The following CAMTA1 variants were observed in gnomAD, a reference collection of about 807,000 sequenced individuals.
CAMTA1 encodes calmodulin-binding transcription activator 1.
Under a neutral mutation model 170.9 loss-of-function variants are expected in CAMTA1, and 27 were observed. The observed-to-expected ratio is 0.16, with a 90% confidence interval of 0.12 to 0.22. The LOEUF is 0.22. CAMTA1 is among the 10% of genes least tolerant of loss of function. The pLI is 1.00. For synonymous variants in CAMTA1, 833 were observed against 891.5 expected, an observed-to-expected ratio of 0.93 and a Z score of 1.17; for missense variants, 1,619 against 2,217.2, an observed-to-expected ratio of 0.73 and a Z score of 5.42.
chr1:7,279,346 T>C (rs1349120127), intron 5 of CAMTA1, among the ~76,000 whole-genome samples: 3 of 152,150 alleles, frequency 2.0e-5, no homozygotes, highest in African/African-American at 7.2e-5. Context: ...CCAGTTCTGT[T>C]TCTCTTCTCC....
At chr1:6,808,529 C>T (rs879633762) in intron 1 of CAMTA1, among the ~76,000 whole-genome samples, 71 of 152,190 alleles carry the variant, frequency 4.7e-4, no homozygotes, top group African/African-American at 1.5e-3. Context: ...ATAGGAGAAG[C>T]CTTCTTGACC....
At chr1:7,496,997 G>A (rs1208964480) in intron 6 of CAMTA1, among the ~76,000 whole-genome samples, 1 of 135,656 alleles carries the variant, frequency 7.4e-6, no homozygotes. Context: ...TAAAAGCCAA[G>A]CCACGGTCCA....
Position 7,435,129 on chromosome 1 carries a change from A to G in CAMTA1, c.439-32701A>G, listed in dbSNP as rs2092307136. On this transcript the variant is annotated intron_variant, in intron 5 of 22. Coordinates refer to ENST00000303635, the MANE Select transcript of CAMTA1 (RefSeq NM_015215.4). The surrounding 1 kb of genome is among the most constrained non-coding windows in gnomAD (Gnocchi z 4.4). ...CTGAAGCCTTTTTTATAAGGGCCTG[A>G]ATCCCATTTTGGCAGGAGGAGCTCT... Among the ~76,000 whole-genome samples, 1 of 152,176 alleles carries G rather than the reference A, an allele frequency of 6.6e-6. No individual in the cohort carries two copies. Among genetic ancestry groups the G allele is most frequent in the South Asian group, 2.1e-4 (1 of 4,828 alleles).
In CAMTA1 at chr1:7,134,939, A is replaced by T. The variant is rs144560977; in HGVS notation, c.302+43568A>T. 2.3e-3 allele frequency among the ~76,000 whole-genome samples: 354 copies of T among 152,198 alleles called. 3 individuals are homozygous for T. Among genetic ancestry groups the T allele is most frequent in the African/African-American group, 8.4e-3 (348 of 41,546 alleles). On this transcript the variant is annotated intron_variant, in intron 4 of 22. Transcript: ENST00000303635. ...CAGAAAACAAATAACCTCATTAAAA[A>T]TGGGCAAGCGACATGATGAGACACT...
intron 3 of CAMTA1, among the ~76,000 whole-genome samples, chr1:6,909,668 T>C (rs1284916193): frequency 6.6e-6 from 1 of 152,194 alleles, no homozygotes; most frequent in African/African-American, 2.4e-5. Flanking sequence ...AATGAGGGAC[T>C]AACTGGAGCA....
chr1:6,794,027 A>C (rs1346529420), intron 1 of CAMTA1, among the ~76,000 whole-genome samples: 1 of 152,158 alleles, frequency 6.6e-6, no homozygotes, highest in African/African-American at 2.4e-5. Flanking sequence ...AAAATTACTC[A>C]TTTATGATTA....
intron 3 of CAMTA1, among the ~76,000 whole-genome samples, chr1:7,045,787 T>TA (rs1705286310): frequency 6.6e-6 from 1 of 152,272 alleles, no homozygotes; most frequent in Non-Finnish European, 1.5e-5. Context: ...GTGTGGCTGA[T>TA]ACGGGCTTGG....
intron 6 of CAMTA1, among the ~76,000 whole-genome samples, chr1:7,599,648 T>G (rs1297244909): frequency 6.6e-6 from 1 of 152,220 alleles, no homozygotes; most frequent in Non-Finnish European, 1.5e-5. Context: ...CTTGAAAAGG[T>G]CCTTCATGTC....
chr1:7,417,809 A>T (rs1307123962), intron 5 of CAMTA1, among the ~76,000 whole-genome samples: 1 of 152,114 alleles, frequency 6.6e-6, no homozygotes, highest in South Asian at 2.1e-4. Flanking sequence ...GGCACTCCCT[A>T]GTGAGATGAG....
In CAMTA1 at chr1:7,680,197, C is replaced by A; in HGVS notation, c.2914+2464C>A. The A allele has an allele frequency of 3.5e-6, 1 of 285,560 alleles. No homozygotes were observed. The highest frequency in any genetic ancestry group is 2.6e-5 in the South Asian group (1 of 39,060). The allele number at this position is 285,560 out of a possible 1,614,324, so 17.7% of individuals were successfully genotyped here. A position where few individuals can be genotyped will look rare whatever the true frequency, so the allele number is the denominator to read the frequency against. ...CATGAACTTTGCGTCCGGGCCAATGCTGCAGTGGCCGGGCGGTGGTGAGCC... is the reference window on the plus strand; with the variant it reads ...CATGAACTTTGCGTCCGGGCCAATGATGCAGTGGCCGGGCGGTGGTGAGCC... On this transcript the variant is annotated intron_variant, in intron 11 of 22. Transcript: ENST00000303635. This position sits in a 1 kb window ranked among gnomAD's most constrained non-coding sequence, Gnocchi z 4.4.
chr1:6,876,116 A>G (rs1669751283), intron 3 of CAMTA1, among the ~76,000 whole-genome samples: 1 of 152,152 alleles, frequency 6.6e-6, no homozygotes. Context: ...TTAGAGTGAA[A>G]TGAAGTAGAG....
intron 16 of CAMTA1, among the ~76,000 whole-genome samples, chr1:7,744,017 C>T (rs1020795054): frequency 1.2e-4 from 18 of 151,226 alleles, no homozygotes; most frequent in African/African-American, 4.4e-4. Flanking sequence ...TTAATAGAGA[C>T]GGGGTTTCAC....
intron 5 of CAMTA1, among the ~76,000 whole-genome samples, chr1:7,304,147 A>T (rs1675224728): frequency 6.6e-6 from 1 of 152,180 alleles, no homozygotes; most frequent in Non-Finnish European, 1.5e-5. Context: ...GAGAGTGGCA[A>T]TGATTGCACA....
Position 7,562,337 on chromosome 1 carries a change from G to C in CAMTA1, c.511-78063G>C, listed in dbSNP as rs1172402459. On this transcript the variant is annotated intron_variant, in intron 6 of 22. Coordinates refer to ENST00000303635, the MANE Select transcript of CAMTA1 (RefSeq NM_015215.4). The surrounding 1 kb of genome is among the most constrained non-coding windows in gnomAD (Gnocchi z 4.8). ...TAAGCTGTTTAATTCGGTGCTTCCT[G>C]CATCGTTGGGCAGTGTAACTCAGTT... Among the ~76,000 whole-genome samples the C allele has an allele frequency of 6.6e-6, 1 of 152,362 alleles. No homozygotes were observed. Among genetic ancestry groups the C allele is most frequent in the East Asian group, 1.9e-4 (1 of 5,190 alleles).
intron 11 of CAMTA1, among the ~76,000 whole-genome samples, chr1:7,717,868 T>C (rs1481432604): frequency 1.3e-5 from 2 of 152,238 alleles, no homozygotes; most frequent in Admixed American, 6.5e-5. Context: ...TACATGTTAT[T>C]CTGTACCTTG....
At chr1:6,803,161 C>T (rs188872883) in intron 1 of CAMTA1, among the ~76,000 whole-genome samples, 112 of 152,332 alleles carry the variant, frequency 7.4e-4, no homozygotes, top group African/African-American at 2.7e-3. Context: ...TGGGTGATGT[C>T]AGTATCATTT....
intron 3 of CAMTA1, among the ~76,000 whole-genome samples, chr1:6,892,405 A>G (rs1674697079): frequency 6.6e-6 from 1 of 152,184 alleles, no homozygotes; most frequent in South Asian, 2.1e-4. Flanking sequence ...TGTGCTAGAG[A>G]TAAACCTTGA....
rs149623156 is a variant in CAMTA1 at position 7,263,923 on chromosome 1, T to C, written c.438+14297T>C. On this transcript the variant is annotated intron_variant, in intron 5 of 22. Transcript: ENST00000303635. Reference sequence around the variant, plus strand: ...TTATACTTTCTTGAATTTTTAATGCTCCTAATATGATAATATTAAGAATTG... The same window carrying C: ...TTATACTTTCTTGAATTTTTAATGCCCCTAATATGATAATATTAAGAATTG... Among the ~76,000 whole-genome samples, 794 of 152,328 alleles carry C rather than the reference T, an allele frequency of 5.2e-3. 8 individuals are homozygous for C. Among genetic ancestry groups the C allele is most frequent in the African/African-American group, 0.018 (757 of 41,560 alleles).
At chr1:6,846,458 CT>C (rs1658190051) in intron 3 of CAMTA1, among the ~76,000 whole-genome samples, 1 of 152,130 alleles carries the variant, frequency 6.6e-6, no homozygotes, top group African/African-American at 2.4e-5. Flanking sequence ...GCTTTCCTGC[CT>C]GGGGCTGTAG....
Sources: gnomAD v4.1 joint callset for allele counts (sites outside exome capture counted in the v4.1 genomes callset) on GRCh38, gnomAD v4.1.1 for gene constraint, Gnocchi (gnomAD v3.1) non-coding constraint, MANE v1.5 for transcripts, NCBI Gene and HGNC (gene_info 2026-07-23, HGNC 2026-07-21) for gene names.